LSP1: variants seen among roughly 807,000 people sequenced by gnomAD.
LSP1 encodes lymphocyte-specific protein 1.
Under a neutral mutation model 49.3 loss-of-function variants are expected in LSP1, and 32 were observed. The ratio of observed to expected loss-of-function variants is 0.65; its 90% CI spans 0.49 to 0.87. The LOEUF is 0.87. Among genes scored for constraint, LSP1 ranks in the 40% least tolerant of loss-of-function variants. LSP1 has a pLI of 0.00. For missense variants in LSP1, 428 were observed against 442.6 expected, an observed-to-expected ratio of 0.97 and a Z score of 0.30; for synonymous variants, 179 against 178.8, an observed-to-expected ratio of 1.00 and a Z score of -0.01.
At chr11:1,861,152 A>T (rs1347364502) in intron 1 of LSP1, among the ~76,000 whole-genome samples, 1 of 152,244 alleles carries the variant, frequency 6.6e-6, no homozygotes, top group African/African-American at 2.4e-5. Flanking sequence ...TTCAAATAAG[A>T]AAAGAATTAC....
chr11:1,872,760 C>T (rs1589817203), intron 1 of LSP1, among the ~76,000 whole-genome samples: 1 of 151,474 alleles, frequency 6.6e-6, no homozygotes, highest in Admixed American at 6.6e-5. Context: ...GGCGTGGGCA[C>T]CTTTGGGACG....
intron 1 of LSP1, among the ~76,000 whole-genome samples, chr11:1,879,306 T>C (rs763715942): frequency 1.1e-4 from 17 of 152,062 alleles, no homozygotes; most frequent in Non-Finnish European, 2.1e-4. Context: ...GATCACACCA[T>C]TGCACTCCAG....
intron 1 of LSP1, chr11:1,866,554 GC>G: frequency 1.3e-6 from 2 of 1,545,360 alleles, no homozygotes; most frequent in Non-Finnish European, 1.7e-6. Flanking sequence ...TCTGCAGTGG[GC>G]CCCTGGCTGG....
chr11:1,889,231 G>A lies in LSP1; in HGVS notation c.*13+1655G>A, dbSNP rs574419289. ...AGGATGGAGCGGACTGTGGGAGGGGGCCGGGTGGCCTCCTGCAGCTTCCGG... is the reference window on the plus strand; with the variant it reads ...AGGATGGAGCGGACTGTGGGAGGGGACCGGGTGGCCTCCTGCAGCTTCCGG... On this transcript the variant is annotated intron_variant, in intron 10 of 10. Transcript: ENST00000311604. 293 of 674,480 alleles carry A rather than the reference G, an allele frequency of 4.3e-4. 5 individuals are homozygous for A. Among genetic ancestry groups the A allele is most frequent in the South Asian group, 3.6e-3 (229 of 63,062 alleles). 41.8% of individuals were successfully genotyped at this position (674,480 alleles called of 1,614,324 possible). A position where few individuals can be genotyped will look rare whatever the true frequency, so the allele number is the denominator to read the frequency against.
intron 1 of LSP1, chr11:1,866,605 A>G (rs1358207243): frequency 1.3e-6 from 2 of 1,510,736 alleles, no homozygotes; most frequent in Non-Finnish European, 1.8e-6. Context: ...CTGGCCCCCC[A>G]TAAGCCTCCT....
intron 1 of LSP1, among the ~76,000 whole-genome samples, chr11:1,879,118 G>A (rs1256778293): frequency 6.6e-6 from 1 of 152,186 alleles, no homozygotes; most frequent in African/African-American, 2.4e-5. Flanking sequence ...GCTGAGGCGG[G>A]CGGATCACCT....
intron 1 of LSP1, among the ~76,000 whole-genome samples, chr11:1,860,731 G>C (rs559407831): frequency 3.3e-5 from 5 of 152,300 alleles, no homozygotes; most frequent in African/African-American, 1.2e-4. Context: ...ACAGCTAAAT[G>C]AGCAAATGTA....
At chr11:1,876,948 G>C (rs552971071) in intron 1 of LSP1, among the ~76,000 whole-genome samples, 1,743 of 152,234 alleles carry the variant, frequency 0.011, 38 homozygotes, top group African/African-American at 0.038. Flanking sequence ...GGTGGATGGA[G>C]CCCCCCCACC....
chr11:1,866,464 G>T lies in LSP1; in HGVS notation c.53+13267G>T, dbSNP rs1347534591. ...AGCTCCCACTTGTTGGGTCCGTGCA[G>T]ATGCAGAGAGATGGCTCCGATCTGG... On this transcript the variant is annotated intron_variant, in intron 1 of 10. Coordinates refer to ENST00000311604, the MANE Select transcript of LSP1 (RefSeq NM_002339.3). The T allele has an allele frequency of 2.0e-6, 3 of 1,473,330 alleles. No homozygotes were observed. The Admixed American group carries it at 7.5e-5, about 37-fold the overall frequency. The allele number at this position is 1,473,330 out of a possible 1,614,324, so 91.3% of individuals were successfully genotyped here.
intron 1 of LSP1, among the ~76,000 whole-genome samples, chr11:1,876,093 C>A (rs1410978945): frequency 1.3e-5 from 2 of 152,222 alleles, no homozygotes; most frequent in African/African-American, 4.8e-5. Context: ...TAGGCCCCGA[C>A]ACACACTCCG....
intron 1 of LSP1, among the ~76,000 whole-genome samples, chr11:1,873,575 G>A (rs1488069720): frequency 2.0e-5 from 3 of 151,388 alleles, no homozygotes; most frequent in African/African-American, 7.3e-5. Flanking sequence ...GAAGAAGGAA[G>A]AGGGAGGAAG....
chr11:1,879,463 A>G (rs1458491823), intron 1 of LSP1, among the ~76,000 whole-genome samples: 2 of 152,248 alleles, frequency 1.3e-5, no homozygotes, highest in Non-Finnish European at 2.9e-5. Flanking sequence ...GGTTAGGCCC[A>G]GGCAGGACCC....
At chr11:1,870,526 T>TG in intron 1 of LSP1, 2 of 1,174,104 alleles carry the variant, frequency 1.7e-6, no homozygotes, top group Non-Finnish European at 2.2e-6. Context: ...AGACATGGTG[T>TG]GGGGGTGTCA....
At chr11:1,882,196 G>A (rs73410970) in intron 3 of LSP1, among the ~76,000 whole-genome samples, 16,109 of 152,158 alleles carry the variant, frequency 0.11, 1,176 homozygotes, top group African/African-American at 0.2. Context: ...ACCCCTGCTC[G>A]GGGTCCTTGC....
chr11:1,880,577 C>T, intron 2 of LSP1: 1 of 235,706 alleles, frequency 4.2e-6, no homozygotes, highest in South Asian at 1.3e-4. Flanking sequence ...ACTTGGCGGC[C>T]AGGCTGGCTT....
intron 10 of LSP1, chr11:1,890,190 A>G (rs1324769424): frequency 1.4e-6 from 1 of 716,762 alleles, no homozygotes; most frequent in Admixed American, 2.0e-5. Context: ...GCCGATGGAG[A>G]ACGTGGACTT....
intron 10 of LSP1, chr11:1,890,076 A>G: frequency 1.4e-6 from 1 of 714,674 alleles, no homozygotes; most frequent in East Asian, 2.7e-5. Flanking sequence ...ACCCCCAGAG[A>G]CAGGGACGAA....
At chr11:1,859,246 T>C (rs567602) in intron 1 of LSP1, among the ~76,000 whole-genome samples, 94,347 of 152,002 alleles carry the variant, frequency 0.62, 29,587 homozygotes, top group East Asian at 0.77. Flanking sequence ...TCCAGGATAC[T>C]CTGTCCACTG....
intron 1 of LSP1, among the ~76,000 whole-genome samples, chr11:1,860,896 G>C (rs1383499820): frequency 2.6e-5 from 4 of 152,132 alleles, no homozygotes; most frequent in African/African-American, 9.7e-5. Flanking sequence ...TAAATGATTG[G>C]AAAGATTAAT....
Sources: allele counts gnomAD v4.1 joint callset (sites outside exome capture counted in the v4.1 genomes callset), GRCh38; gene constraint gnomAD v4.1.1; transcripts MANE v1.5; gene names NCBI Gene and HGNC (gene_info 2026-07-23, HGNC 2026-07-21).